The following NMNAT2 variants were observed in gnomAD, a reference collection of about 807,000 sequenced individuals.
NMNAT2 encodes nicotinamide/nicotinic acid mononucleotide adenylyltransferase 2.
NMNAT2 carries 11 observed loss-of-function variants against 41.6 expected under a neutral mutation model. The ratio of observed to expected loss-of-function variants is 0.26; its 90% CI spans 0.17 to 0.44. The LOEUF is 0.44. NMNAT2 is among the 20% of genes least tolerant of loss of function. The pLI, the probability that NMNAT2 is intolerant of heterozygous loss-of-function variation, is 1.00. For missense variants in NMNAT2, 288 were observed against 407.7 expected (o/e 0.71, Z 2.53); for synonymous variants, 148 against 151.2 (o/e 0.98, Z 0.16).
At chr1:183,373,571 C>T (rs1175446973) in intron 1 of NMNAT2, among the ~76,000 whole-genome samples, 1 of 151,856 alleles carries the variant, frequency 6.6e-6, no homozygotes, top group Non-Finnish European at 1.5e-5. Context: ...AGGGTCTGCA[C>T]TTATTCTAAA....
intron 1 of NMNAT2, among the ~76,000 whole-genome samples, chr1:183,341,094 G>C (rs993822749): frequency 6.6e-6 from 1 of 152,204 alleles, no homozygotes; most frequent in Non-Finnish European, 1.5e-5. Flanking sequence ...GCTAGAACTT[G>C]AACCCAGGTC....
At chr1:183,269,286 G>A (rs183677983) in intron 8 of NMNAT2, among the ~76,000 whole-genome samples, 1 of 152,256 alleles carries the variant, frequency 6.6e-6, no homozygotes, top group African/African-American at 2.4e-5. Flanking sequence ...GACACACTGC[G>A]GTTGGAAAAG....
intron 3 of NMNAT2, among the ~76,000 whole-genome samples, chr1:183,292,483 G>T (rs1661568759): frequency 6.6e-6 from 1 of 152,218 alleles, no homozygotes; most frequent in Non-Finnish European, 1.5e-5. Flanking sequence ...TGATTTTCTG[G>T]TCATGCTTCA....
chr1:183,403,143 A>G (rs1648860719), intron 1 of NMNAT2, among the ~76,000 whole-genome samples: 1 of 152,008 alleles, frequency 6.6e-6, no homozygotes, highest in Non-Finnish European at 1.5e-5. Context: ...CATGTTGGCT[A>G]GGCTGGTCTC....
At chr1:183,391,073 A>G (rs1648468701) in intron 1 of NMNAT2, among the ~76,000 whole-genome samples, 1 of 152,218 alleles carries the variant, frequency 6.6e-6, no homozygotes, top group Admixed American at 6.5e-5. Flanking sequence ...TGAGCATAGA[A>G]GAGTTCCCTC....
chr1:183,385,959 G>A (rs1254023176), intron 1 of NMNAT2, among the ~76,000 whole-genome samples: 1 of 152,134 alleles, frequency 6.6e-6, no homozygotes. Flanking sequence ...AGGGCCCGAG[G>A]GGATGAGGCC....
At chr1:183,327,064 A>AT (rs1662482465) in intron 1 of NMNAT2, among the ~76,000 whole-genome samples, 1 of 151,818 alleles carries the variant, frequency 6.6e-6, no homozygotes, top group African/African-American at 2.4e-5. Context: ...GTATGTATTT[A>AT]TTTTTGAGAC....
intron 1 of NMNAT2, 108 bp downstream of exon 1, chr1:183,418,075 C>G (rs2101936136): frequency 1.9e-6 from 2 of 1,032,214 alleles, no homozygotes; most frequent in Non-Finnish European, 1.5e-6. Context: ...AGCCGGCCCA[C>G]CCCTCCGAAG....
intron 8 of NMNAT2, among the ~76,000 whole-genome samples, chr1:183,274,116 T>C (rs1003802953): frequency 2.0e-5 from 3 of 151,738 alleles, no homozygotes; most frequent in East Asian, 3.9e-4. Context: ...TTTTACCATG[T>C]TGGCCAGGCT....
intron 1 of NMNAT2, among the ~76,000 whole-genome samples, chr1:183,356,084 G>A (rs1663178349): frequency 6.6e-6 from 1 of 152,202 alleles, no homozygotes; most frequent in African/African-American, 2.4e-5. Flanking sequence ...CACACCTTGA[G>A]CATTTACCGT....
chr1:183,324,249 G>A (rs757836192), intron 1 of NMNAT2, among the ~76,000 whole-genome samples: 2 of 152,170 alleles, frequency 1.3e-5, no homozygotes, highest in African/African-American at 2.4e-5. Context: ...GAGCACATCC[G>A]GACAGAAGGA....
At chr1:183,344,702 A>C (rs1218930161) in intron 1 of NMNAT2, among the ~76,000 whole-genome samples, 1 of 152,192 alleles carries the variant, frequency 6.6e-6, no homozygotes, top group Non-Finnish European at 1.5e-5. Context: ...AACATAAATA[A>C]AGTCTGGAAA....
At chr1:183,336,711 T>C (rs1662684097) in intron 1 of NMNAT2, among the ~76,000 whole-genome samples, 1 of 152,158 alleles carries the variant, frequency 6.6e-6, no homozygotes, top group Non-Finnish European at 1.5e-5. Context: ...CCTAAATACT[T>C]ACCTAAAAGA....
At chr1:183,277,396 T>C (rs750243251) in intron 8 of NMNAT2, among the ~76,000 whole-genome samples, 1 of 149,804 alleles carries the variant, frequency 6.7e-6, no homozygotes, top group Non-Finnish European at 1.5e-5. Flanking sequence ...GGCAGAAGAA[T>C]CGCTTGAACC....
chr1:183,374,817 C>T (rs1435462841), intron 1 of NMNAT2, among the ~76,000 whole-genome samples: 1 of 152,114 alleles, frequency 6.6e-6, no homozygotes, highest in Non-Finnish European at 1.5e-5. Context: ...GTCTTCAGGG[C>T]TGACAGCCAC....
Position 183,309,345 on chromosome 1 carries a change from G to T in NMNAT2, c.86-15552C>A, listed in dbSNP as rs1662059521. ...AGAGTGATCTGAGTTACATTTCAGA[G>T]ATTGGCTGTTGGGCGGAAAATAAAT... On this transcript the variant is annotated intron_variant, in intron 1 of 10. Transcript: ENST00000287713. Among the ~76,000 whole-genome samples, 7 of 152,312 alleles carry T rather than the reference G, an allele frequency of 4.6e-5. No homozygotes were observed. In the South Asian group the frequency reaches 1.5e-3, roughly 32 times the overall value.
intron 1 of NMNAT2, among the ~76,000 whole-genome samples, chr1:183,388,803 T>G (rs1432719885): frequency 6.6e-6 from 1 of 152,222 alleles, no homozygotes; most frequent in Non-Finnish European, 1.5e-5. Flanking sequence ...TCGATGTATT[T>G]CTGGTGCCCT....
intron 1 of NMNAT2, among the ~76,000 whole-genome samples, chr1:183,303,120 C>G (rs547213214): frequency 1.2e-4 from 18 of 152,318 alleles, no homozygotes; most frequent in African/African-American, 3.8e-4. Flanking sequence ...CCTACTGAAG[C>G]CTCCTTTTCT....
chr1:183,308,521 G>A (rs1040731044), intron 1 of NMNAT2, among the ~76,000 whole-genome samples: 3 of 152,124 alleles, frequency 2.0e-5, no homozygotes, highest in African/African-American at 2.4e-5. Context: ...GTTCACTTCC[G>A]CATTATTCGT....
Sources: gnomAD v4.1 joint callset for allele counts (sites outside exome capture counted in the v4.1 genomes callset) on GRCh38, gnomAD v4.1.1 for gene constraint, MANE v1.5 for transcripts, NCBI Gene and HGNC (gene_info 2026-07-23, HGNC 2026-07-21) for gene names.